WIPF1: variants seen among roughly 807,000 people sequenced by gnomAD.
WIPF1 encodes WAS/WASL-interacting protein family member 1.
In WIPF1, 13 loss-of-function variants were observed where a neutral mutation model predicts 35.4. That is an observed-to-expected ratio of 0.37 (90% CI 0.24 to 0.58). The LOEUF is 0.58. WIPF1 is among the 20% of genes least tolerant of loss of function. The probability of loss-of-function intolerance (pLI) is 0.74; values close to 1 mark genes in which losing one functional copy is unlikely to be tolerated. For missense variants in WIPF1, 591 were observed against 667.0 expected (o/e 0.89, Z 1.25); for synonymous variants, 267 against 266.3 (o/e 1.00, Z -0.02).
At chr2:174,615,283 T>C (rs1337507219) in intron 1 of WIPF1, among the ~76,000 whole-genome samples, 1 of 152,160 alleles carries the variant, frequency 6.6e-6, no homozygotes, top group Non-Finnish European at 1.5e-5. Flanking sequence ...TCCCACTTCC[T>C]ATACAAAATA....
intron 1 of WIPF1, among the ~76,000 whole-genome samples, chr2:174,589,395 A>G (rs1339932991): frequency 6.6e-6 from 1 of 152,234 alleles, no homozygotes; most frequent in Non-Finnish European, 1.5e-5. Context: ...CTAGTGTTGC[A>G]GACTGGAACT....
intron 3 of WIPF1, 106 bp downstream of exon 3, chr2:174,581,204 T>C: frequency 6.7e-7 from 1 of 1,488,124 alleles, no homozygotes; most frequent in Non-Finnish European, 9.0e-7. Flanking sequence ...TTGCAGCTGT[T>C]GTTAACCAAA....
chr2:174,601,805 G>A (rs903646129), upstream of WIPF1, among the ~76,000 whole-genome samples: 1 of 152,264 alleles, frequency 6.6e-6, no homozygotes, highest in East Asian at 1.9e-4. Context: ...CAGGGGTCCA[G>A]AGAAGTTAGG....
intron 2 of WIPF1, among the ~76,000 whole-genome samples, chr2:174,581,655 G>C (rs957147143): frequency 5.9e-5 from 9 of 152,158 alleles, no homozygotes. Flanking sequence ...TTTTAAGGGA[G>C]GAAGAGTCAG....
At chr2:174,601,251 A>G (rs1238338508), upstream of WIPF1, among the ~76,000 whole-genome samples, 2 of 152,152 alleles carry the variant, frequency 1.3e-5, no homozygotes, top group Non-Finnish European at 2.9e-5. Context: ...TAAAAGCTTA[A>G]GACTGTTCCC....
intron 1 of WIPF1, among the ~76,000 whole-genome samples, chr2:174,654,115 A>G (rs1291765325): frequency 1.3e-5 from 2 of 152,226 alleles, no homozygotes; most frequent in Non-Finnish European, 2.9e-5. Flanking sequence ...GGCAGTTTTT[A>G]ATCATTTAAA....
intron 1 of WIPF1, among the ~76,000 whole-genome samples, chr2:174,620,928 G>A (rs981342264): frequency 3.9e-5 from 6 of 152,186 alleles, no homozygotes; most frequent in African/African-American, 1.4e-4. Context: ...TGTCACATGT[G>A]GCTAAACACA....
At chr2:174,612,607 GATTAA>G (rs748881259) in intron 1 of WIPF1, among the ~76,000 whole-genome samples, 55 of 151,260 alleles carry the variant, frequency 3.6e-4, no homozygotes, top group Non-Finnish European at 6.5e-4. Context: ...TGATACATAC[GATTAA>G]ATTATTTTCT....
At chr2:174,650,320 C>A (rs1236426754) in intron 1 of WIPF1, among the ~76,000 whole-genome samples, 1 of 152,198 alleles carries the variant, frequency 6.6e-6, no homozygotes, top group Non-Finnish European at 1.5e-5. Context: ...CAACTGAGAA[C>A]AGAGGAATCC....
intron 7 of WIPF1, among the ~76,000 whole-genome samples, chr2:174,564,290 A>T (rs1262870762): frequency 6.6e-6 from 1 of 152,216 alleles, no homozygotes; most frequent in Non-Finnish European, 1.5e-5. Flanking sequence ...CTACAAAAAA[A>T]TTTTGGTAGA....
chr2:174,657,927 AAAAAAAAG>A (rs1251765450), intron 1 of WIPF1, among the ~76,000 whole-genome samples: 3 of 151,564 alleles, frequency 2.0e-5, no homozygotes, highest in South Asian at 4.2e-4. Flanking sequence ...AAAAAAAAAA[AAAAAAAAG>A]AGAGAGAGAA....
chr2:174,618,959 C>G (rs1429984805), intron 1 of WIPF1, among the ~76,000 whole-genome samples: 1 of 152,122 alleles, frequency 6.6e-6, no homozygotes, highest in Non-Finnish European at 1.5e-5. Context: ...TACACACACA[C>G]ACACGCACAC....
upstream of WIPF1, among the ~76,000 whole-genome samples, chr2:174,600,964 A>G (rs1445703707): frequency 1.7e-5 from 2 of 116,258 alleles, no homozygotes; most frequent in African/African-American, 6.9e-5. Context: ...GTACTCTGTC[A>G]CCCAGGCTGG....
intron 1 of WIPF1, among the ~76,000 whole-genome samples, chr2:174,651,071 C>T (rs755099191): frequency 2.0e-5 from 3 of 152,212 alleles, no homozygotes; most frequent in Non-Finnish European, 4.4e-5. Flanking sequence ...AAGAGATCTG[C>T]CCTGTGATCT....
chr2:174,624,657 T>A (rs1334065135), intron 1 of WIPF1, among the ~76,000 whole-genome samples: 1 of 152,218 alleles, frequency 6.6e-6, no homozygotes, highest in African/African-American at 2.4e-5. Flanking sequence ...CATAAGATGC[T>A]GGAGCAGGGT....
chr2:174,568,137 T>C (rs939984536), intron 5 of WIPF1, 64 bp from the exon 6 acceptor site: 56 of 1,526,758 alleles, frequency 3.7e-5, no homozygotes, highest in Middle Eastern at 2.3e-4. Flanking sequence ...GTGGTCACCA[T>C]TGGTGTACAG....
At chr2:174,638,184 A>G (rs1687225384) in intron 1 of WIPF1, among the ~76,000 whole-genome samples, 1 of 152,236 alleles carries the variant, frequency 6.6e-6, no homozygotes. Flanking sequence ...CTTTAACTCA[A>G]GCTACAAATT....
In WIPF1 at chr2:174,590,107, A is replaced by G. The variant is rs1417147478; in HGVS notation, c.-38-4496T>C. Among the ~76,000 whole-genome samples, 1 of 152,212 alleles carries G rather than the reference A, an allele frequency of 6.6e-6. No homozygotes were observed. The highest frequency in any genetic ancestry group is 1.5e-5 in the Non-Finnish European group (1 of 68,050). On this transcript the variant is annotated intron_variant, in intron 1 of 7. Coordinates refer to ENST00000679041, the MANE Select transcript of WIPF1 (RefSeq NM_001375834.1). This position sits in a 1 kb window ranked among gnomAD's most constrained non-coding sequence, Gnocchi z 4.6. ...CAAATTAAAATTAAATTTTTTAAAAAAAGGAGTCCTTTGGGCTTTACCAGT... is the reference window on the plus strand; with the variant it reads ...CAAATTAAAATTAAATTTTTTAAAAGAAGGAGTCCTTTGGGCTTTACCAGT...
At chr2:174,627,568 T>C (rs771404518) in intron 1 of WIPF1, among the ~76,000 whole-genome samples, 2 of 149,466 alleles carry the variant, frequency 1.3e-5, no homozygotes, top group Non-Finnish European at 3.0e-5. Context: ...TTTGAGACAG[T>C]CTTCCTCTGT....
Sources: gnomAD v4.1 joint callset for allele counts (sites outside exome capture counted in the v4.1 genomes callset) on GRCh38, gnomAD v4.1.1 for gene constraint, Gnocchi (gnomAD v3.1) non-coding constraint, MANE v1.5 for transcripts, NCBI Gene and HGNC (gene_info 2026-07-23, HGNC 2026-07-21) for gene names.